Variants in TMCC1 observed in about 807,000 individuals in gnomAD.
TMCC1 encodes the protein transmembrane and coiled-coil domains protein 1.
TMCC1 carries 15 observed loss-of-function variants against 52.4 expected under a neutral mutation model. That is an observed-to-expected ratio of 0.29 (90% CI 0.19 to 0.44). TMCC1 has a LOEUF of 0.44. Among genes scored for constraint, TMCC1 ranks in the 20% least tolerant of loss-of-function variants. The pLI is 1.00. For missense variants in TMCC1, 503 were observed against 806.0 expected (o/e 0.62, Z 4.55); for synonymous variants, 279 against 301.9 (o/e 0.92, Z 0.79).
At chr3:129,707,111 G>A (rs191110628) in intron 4 of TMCC1, among the ~76,000 whole-genome samples, 2 of 152,300 alleles carry the variant, frequency 1.3e-5, no homozygotes, top group African/African-American at 4.8e-5. Context: ...CTCATATACT[G>A]TTGCCATCTG....
chr3:129,759,483 G>A (rs1430847773), intron 4 of TMCC1, among the ~76,000 whole-genome samples: 2 of 151,584 alleles, frequency 1.3e-5, no homozygotes, highest in African/African-American at 4.8e-5. Context: ...AGCCAGGCTG[G>A]TCTCGAACTC....
chr3:129,761,077 G>A (rs2053538861), intron 4 of TMCC1, among the ~76,000 whole-genome samples: 1 of 151,890 alleles, frequency 6.6e-6, no homozygotes. Context: ...TGTAATCCCA[G>A]CACTTTGGGA....
chr3:129,678,655 C>T (rs1055630431), intron 4 of TMCC1, among the ~76,000 whole-genome samples: 4 of 151,896 alleles, frequency 2.6e-5, no homozygotes, highest in Non-Finnish European at 4.4e-5. Flanking sequence ...CCACCGTGCC[C>T]GGCCTCATTG....
At chr3:129,823,654 A>G (rs1455964314) in intron 4 of TMCC1, among the ~76,000 whole-genome samples, 2 of 152,158 alleles carry the variant, frequency 1.3e-5, no homozygotes, top group Non-Finnish European at 2.9e-5. Flanking sequence ...AAACAAAAAA[A>G]CAGTCTGCAA....
At chr3:129,790,819 A>AT in intron 4 of TMCC1, among the ~76,000 whole-genome samples, 1 of 152,344 alleles carries the variant, frequency 6.6e-6, no homozygotes, top group Middle Eastern at 3.4e-3. Flanking sequence ...ACATCTAATT[A>AT]TTCCATGTTT....
At chr3:129,736,815 C>T (rs139037601) in intron 4 of TMCC1, among the ~76,000 whole-genome samples, 69 of 151,912 alleles carry the variant, frequency 4.5e-4, no homozygotes, top group South Asian at 1.9e-3. Flanking sequence ...CCACTGCGCC[C>T]GGCCGCAATT....
Position 129,651,365 on chromosome 3 carries a change from C to A in TMCC1, c.*116G>T. ...AAAAAAACATTATTCTAAATGTAAA[C>A]AGATTCACTCAACTCTTTTTTTGTT... On this transcript the variant is annotated 3_prime_UTR_variant, in exon 7 of 7. Transcript: ENST00000393238. The surrounding 1 kb of genome is among the most constrained non-coding windows in gnomAD (Gnocchi z 5.1). 9.0e-7 allele frequency: 1 copy of A among 1,108,010 alleles called. No homozygotes were observed. The highest frequency in any genetic ancestry group is 1.3e-6 in the Non-Finnish European group (1 of 774,234). The allele number at this position is 1,108,010 out of a possible 1,614,324, so 68.6% of individuals were successfully genotyped here.
At chr3:129,795,005 A>G (rs2056727147) in intron 4 of TMCC1, among the ~76,000 whole-genome samples, 1 of 152,172 alleles carries the variant, frequency 6.6e-6, no homozygotes, top group South Asian at 2.1e-4. Flanking sequence ...TGGGCTCGGC[A>G]GCTGTGCGGC....
chr3:129,867,766 G>A (rs1308287674), intron 2 of TMCC1, among the ~76,000 whole-genome samples: 1 of 152,162 alleles, frequency 6.6e-6, no homozygotes, highest in Non-Finnish European at 1.5e-5. Flanking sequence ...GGCCATAGTA[G>A]AAATAAGTTT....
intron 2 of TMCC1, among the ~76,000 whole-genome samples, chr3:129,836,272 T>C (rs147050786): frequency 6.6e-6 from 1 of 152,160 alleles, no homozygotes; most frequent in Non-Finnish European, 1.5e-5. Flanking sequence ...AATTTTGTAT[T>C]CTTCTCAGTA....
At chr3:129,838,133 G>A (rs62265588) in intron 2 of TMCC1, among the ~76,000 whole-genome samples, 7,326 of 152,274 alleles carry the variant, frequency 0.048, 235 homozygotes, top group Middle Eastern at 0.068. Flanking sequence ...AAAACAGGCT[G>A]GGCATGGTGC....
At chr3:129,837,223 T>G (rs1012250028) in intron 2 of TMCC1, among the ~76,000 whole-genome samples, 1 of 152,046 alleles carries the variant, frequency 6.6e-6, no homozygotes, top group African/African-American at 2.4e-5. Flanking sequence ...GGTTCTACTA[T>G]CTGCATAAAT....
intron 4 of TMCC1, among the ~76,000 whole-genome samples, chr3:129,748,390 C>T (rs539801527): frequency 1.3e-5 from 2 of 152,258 alleles, no homozygotes; most frequent in Admixed American, 6.5e-5. Flanking sequence ...CAGGCTCAAG[C>T]GATTCTCCTG....
At chr3:129,742,982 CA>C (rs2051592711) in intron 4 of TMCC1, among the ~76,000 whole-genome samples, 1 of 152,066 alleles carries the variant, frequency 6.6e-6, no homozygotes, top group East Asian at 1.9e-4. Flanking sequence ...CCAGAATAGG[CA>C]AATCTATAGG....
chr3:129,711,815 C>T (rs1353094925), intron 4 of TMCC1, among the ~76,000 whole-genome samples: 2 of 128,828 alleles, frequency 1.6e-5, no homozygotes, highest in Non-Finnish European at 3.3e-5. Context: ...ATGGTGAAAC[C>T]CCGTCTCTAC....
intron 2 of TMCC1, among the ~76,000 whole-genome samples, chr3:129,879,086 C>G (rs1216399209): frequency 6.6e-6 from 1 of 152,168 alleles, no homozygotes; most frequent in Admixed American, 6.5e-5. Flanking sequence ...TTCCTGCTTT[C>G]CTTTTACTTT....
intron 2 of TMCC1, among the ~76,000 whole-genome samples, chr3:129,869,750 A>G (rs2060826773): frequency 6.6e-6 from 1 of 152,248 alleles, no homozygotes; most frequent in African/African-American, 2.4e-5. Flanking sequence ...GCACATGTAC[A>G]AATAGAAAAC....
intron 4 of TMCC1, among the ~76,000 whole-genome samples, chr3:129,766,750 C>T (rs1023327354): frequency 6.6e-6 from 1 of 151,898 alleles, no homozygotes; most frequent in African/African-American, 2.4e-5. Flanking sequence ...TCTCTAGTAG[C>T]TGGGACTACA....
At chr3:129,754,818 CTGTAA>C (rs776117733) in intron 4 of TMCC1, among the ~76,000 whole-genome samples, 7 of 152,130 alleles carry the variant, frequency 4.6e-5, no homozygotes, top group Non-Finnish European at 1.0e-4. Flanking sequence ...TGGCTCACAC[CTGTAA>C]TCCCAGCACT....
Sources: gnomAD v4.1 joint callset for allele counts (sites outside exome capture counted in the v4.1 genomes callset) on GRCh38, gnomAD v4.1.1 for gene constraint, Gnocchi (gnomAD v3.1) non-coding constraint, MANE v1.5 for transcripts, NCBI Gene and HGNC (gene_info 2026-07-23, HGNC 2026-07-21) for gene names.